Variants in BCAS3 observed in about 807,000 individuals in gnomAD.
The protein encoded by BCAS3 is BCAS4/BCAS3 fusion.
In BCAS3, 53 loss-of-function variants were observed where a neutral mutation model predicts 116.1. That is an observed-to-expected ratio of 0.46 (90% CI 0.37 to 0.57). BCAS3 has a LOEUF of 0.57. Ranked by LOEUF, BCAS3 falls within the 20% of genes least tolerant of loss-of-function variation. The probability of loss-of-function intolerance (pLI) is 0.00; values close to 1 mark genes in which losing one functional copy is unlikely to be tolerated. For missense variants in BCAS3, 917 were observed against 1,165.4 expected (o/e 0.79, Z 3.10); for synonymous variants, 391 against 408.2 (o/e 0.96, Z 0.51).
rs879834495 is a variant in BCAS3 at position 61,355,723 on chromosome 17, C to T, written c.2426-12604C>T. ...CTATGCCTGATGCAAAGTGGACACCCGACAAATGTTAGTTATCTTACCTTT... is the reference window on the plus strand; with the variant it reads ...CTATGCCTGATGCAAAGTGGACACCTGACAAATGTTAGTTATCTTACCTTT... On this transcript the variant is annotated intron_variant, in intron 22 of 23. Coordinates refer to ENST00000407086, the MANE Select transcript of BCAS3 (RefSeq NM_017679.5). This position sits in a 1 kb window ranked among gnomAD's most constrained non-coding sequence, Gnocchi z 4.2. 3.3e-5 allele frequency among the ~76,000 whole-genome samples: 5 copies of T among 152,256 alleles called. No homozygotes were observed. Among genetic ancestry groups the T allele is most frequent in the African/African-American group, 4.8e-5 (2 of 41,554 alleles).
rs934754800 is a variant in BCAS3 at position 61,380,369 on chromosome 17, G to A, written c.2594-11608G>A. The A allele has an allele frequency of 3.5e-5, 26 of 737,584 alleles. No homozygotes were observed. In the African/African-American group the frequency reaches 4.3e-4, roughly 12 times the overall value. 45.7% of individuals were successfully genotyped at this position (737,584 alleles called of 1,614,324 possible). A position where few individuals can be genotyped will look rare whatever the true frequency, so the allele number is the denominator to read the frequency against. On this transcript the variant is annotated intron_variant, in intron 23 of 23. Coordinates refer to ENST00000407086, the MANE Select transcript of BCAS3 (RefSeq NM_017679.5). The surrounding 1 kb of genome is among the most constrained non-coding windows in gnomAD (Gnocchi z 4.2). ...CCTAGATGTGCTGTGCCTGGGAACA[G>A]ACCATGAACACCCCCGCAAAGCTCT...
At chr17:60,998,470 G>T (rs1322407094) in intron 15 of BCAS3, among the ~76,000 whole-genome samples, 1 of 152,130 alleles carries the variant, frequency 6.6e-6, no homozygotes, top group Non-Finnish European at 1.5e-5. Context: ...CACCAACAGT[G>T]CATAAGTATT....
intron 22 of BCAS3, among the ~76,000 whole-genome samples, chr17:61,303,647 C>T (rs773684924): frequency 3.3e-5 from 5 of 152,208 alleles, no homozygotes; most frequent in Admixed American, 6.5e-5. Context: ...CACAGGTACA[C>T]GGCAGTGTGC....
intron 6 of BCAS3, among the ~76,000 whole-genome samples, chr17:60,782,736 C>A (rs2045941108): frequency 6.6e-6 from 1 of 151,868 alleles, no homozygotes; most frequent in African/African-American, 2.4e-5. Context: ...CAGGTACGCA[C>A]CACCGCACAC....
chr17:60,810,206 A>G (rs2144633081), intron 7 of BCAS3: 1 of 429,608 alleles, frequency 2.3e-6, no homozygotes. Flanking sequence ...CCAAACTACC[A>G]GTCTCTGGGC....
At chr17:60,736,308 T>C (rs11869936) in intron 5 of BCAS3, among the ~76,000 whole-genome samples, 3,214 of 151,362 alleles carry the variant, frequency 0.021, 59 homozygotes, top group Non-Finnish European at 0.032. Flanking sequence ...TCTTGTAATG[T>C]CTTTTTTTTT....
chr17:60,985,126 C>T (rs1555649971), intron 14 of BCAS3, among the ~76,000 whole-genome samples: 1 of 145,622 alleles, frequency 6.9e-6, no homozygotes, highest in Non-Finnish European at 1.5e-5. Context: ...GAGTTATAAA[C>T]GATTCAACTG....
intron 14 of BCAS3, among the ~76,000 whole-genome samples, chr17:60,954,992 G>A (rs868120532): frequency 3.9e-5 from 6 of 152,036 alleles, no homozygotes; most frequent in Middle Eastern, 3.4e-3. Flanking sequence ...TATCTAGGTG[G>A]AATCAATTCT....
At position 60,956,364 on chromosome 17, in the gene BCAS3, T is replaced by G. The variant is rs1354304711; in HGVS notation, c.1221+9012T>G. Among the ~76,000 whole-genome samples, 1 of 152,204 alleles carries G rather than the reference T, an allele frequency of 6.6e-6. No homozygotes were observed. Among genetic ancestry groups the G allele is most frequent in the African/African-American group, 2.4e-5 (1 of 41,440 alleles). On this transcript the variant is annotated intron_variant, in intron 14 of 23. Coordinates refer to ENST00000407086, the MANE Select transcript of BCAS3 (RefSeq NM_017679.5). This position sits in a 1 kb window ranked among gnomAD's most constrained non-coding sequence, Gnocchi z 4.2. ...GGAAGTTTTAAATTTGATGAGCATT[T>G]TATCTAGAGTTAATATTTCACTGTG...
At chr17:60,806,042 A>AT (rs201887714) in intron 6 of BCAS3, among the ~76,000 whole-genome samples, 38 of 142,982 alleles carry the variant, frequency 2.7e-4, no homozygotes, top group Admixed American at 4.2e-4. Context: ...ATATTTTTGT[A>AT]TTTTTTTTTT....
intron 22 of BCAS3, among the ~76,000 whole-genome samples, chr17:61,350,458 T>TG (rs2057768260): frequency 3.1e-5 from 3 of 96,362 alleles, no homozygotes; most frequent in Non-Finnish European, 5.1e-5. Context: ...ATAAATAAAT[T>TG]TTATTGTATG....
intron 6 of BCAS3, among the ~76,000 whole-genome samples, chr17:60,794,482 G>A (rs1461326070): frequency 6.6e-6 from 1 of 152,122 alleles, no homozygotes; most frequent in Non-Finnish European, 1.5e-5. Context: ...CTTGCCTAAG[G>A]CAATGTCTAG....
chr17:60,820,263 T>C (rs968149745), intron 7 of BCAS3, among the ~76,000 whole-genome samples: 3 of 151,998 alleles, frequency 2.0e-5, no homozygotes, highest in African/African-American at 7.3e-5. Flanking sequence ...GCCAGGATGG[T>C]CTTGATCTCC....
In BCAS3 at chr17:60,850,345, G is replaced by GTTTT. The variant is rs10573405; in HGVS notation, c.477-18205_477-18202dup. ...CCTCCCCCTAACTCCTGGCACCACT[G>GTTTT]TTTTTTTTTTTTTTTTTTTTTTTTT... is the stretch of plus-strand genomic sequence containing the variant. On this transcript the variant is annotated intron_variant, in intron 7 of 23. Transcript: ENST00000407086. 6.8e-3 allele frequency among the ~76,000 whole-genome samples: 258 copies of GTTTT among 37,726 alleles called. 64 individuals carry two copies. Among genetic ancestry groups the GTTTT allele is most frequent in the African/African-American group, 0.019 (137 of 7,114 alleles). The allele number at this position is 37,726 out of a possible 152,430, so 24.7% of individuals were successfully genotyped here.
At position 61,145,609 on chromosome 17, in the gene BCAS3, C is replaced by A. The variant is rs567489699; in HGVS notation, c.2425+61045C>A. Among the ~76,000 whole-genome samples the A allele has an allele frequency of 3.3e-5, 5 of 152,262 alleles. No individual in the cohort carries two copies. In the South Asian group the frequency reaches 8.3e-4, roughly 25 times the overall value. The stretch of plus-strand genomic sequence containing the variant: ...TTGAACTGTACAGCACAGCACCAGA[C>A]CCTTGTGTCATTTAATGTTACTTTA... On this transcript the variant is annotated intron_variant, in intron 22 of 23. Transcript: ENST00000407086. This position sits in a 1 kb window ranked among gnomAD's most constrained non-coding sequence, Gnocchi z 5.0.
intron 19 of BCAS3, among the ~76,000 whole-genome samples, chr17:61,066,374 T>C (rs2070616009): frequency 6.6e-6 from 1 of 152,244 alleles, no homozygotes; most frequent in African/African-American, 2.4e-5. Flanking sequence ...CTTGTTTATA[T>C]AAAGAGGATG....
In BCAS3 at chr17:61,156,048, A is replaced by T. The variant is rs1445077540; in HGVS notation, c.2425+71484A>T. Among the ~76,000 whole-genome samples, 2 of 152,120 alleles carry T rather than the reference A, an allele frequency of 1.3e-5. No homozygotes were observed. The highest frequency in any genetic ancestry group is 2.9e-5 in the Non-Finnish European group (2 of 68,022). ...GTGACTTAAATGACTTTTCCCAACAAGCTCACCAGGCATTCAAAGGAAGAA... is the reference window on the plus strand; with the variant it reads ...GTGACTTAAATGACTTTTCCCAACATGCTCACCAGGCATTCAAAGGAAGAA... On this transcript the variant is annotated intron_variant, in intron 22 of 23. Transcript: ENST00000407086. The surrounding 1 kb of genome is among the most constrained non-coding windows in gnomAD (Gnocchi z 4.7).
intron 22 of BCAS3, among the ~76,000 whole-genome samples, chr17:61,177,870 A>C (rs917571): frequency 6.6e-6 from 1 of 152,092 alleles, no homozygotes; most frequent in Non-Finnish European, 1.5e-5. Flanking sequence ...TTGTTTCCAA[A>C]CCCATCATTA....
intron 13 of BCAS3, among the ~76,000 whole-genome samples, chr17:60,943,968 T>TA (rs1371781690): frequency 2.6e-5 from 4 of 152,052 alleles, no homozygotes. Context: ...CAAAATCTGT[T>TA]ACATTTAGCT....
Sources: allele counts gnomAD v4.1 joint callset (sites outside exome capture counted in the v4.1 genomes callset), GRCh38; gene constraint gnomAD v4.1.1; non-coding constraint Gnocchi (gnomAD v3.1); transcripts MANE v1.5; gene names NCBI Gene and HGNC (gene_info 2026-07-23, HGNC 2026-07-21).